Variants in ATRNL1 observed in about 807,000 individuals in gnomAD.
ATRNL1 encodes the protein attractin-like protein 1.
In ATRNL1, 95 loss-of-function variants were observed where a neutral mutation model predicts 182.7. The observed-to-expected ratio is 0.52, with a 90% CI of 0.44 to 0.62. The LOEUF (loss-of-function observed/expected upper bound fraction) is 0.62. Ranked by LOEUF, ATRNL1 falls within the 20% of genes least tolerant of loss-of-function variation. ATRNL1 has a pLI of 0.00. For synonymous variants in ATRNL1, 576 were observed against 568.3 expected, an observed-to-expected ratio of 1.01 and a Z score of -0.19; for missense variants, 1,471 against 1,679.5, an observed-to-expected ratio of 0.88 and a Z score of 2.17.
chr10:115,713,443 CTGTG>C (rs140348673), intron 26 of ATRNL1, among the ~76,000 whole-genome samples: 3,298 of 117,912 alleles, frequency 0.028, 114 homozygotes, highest in African/African-American at 0.092. Context: ...GGGAAAGTGG[CTGTG>C]TGTGTGTGTG....
intron 27 of ATRNL1, among the ~76,000 whole-genome samples, chr10:115,798,172 C>A (rs1194848305): frequency 6.6e-6 from 1 of 152,170 alleles, no homozygotes; most frequent in East Asian, 1.9e-4. Flanking sequence ...CCACCTCGGC[C>A]TCCCCAAGTG....
intron 26 of ATRNL1, among the ~76,000 whole-genome samples, chr10:115,645,863 A>G (rs1325985928): frequency 1.3e-5 from 2 of 152,076 alleles, no homozygotes; most frequent in Admixed American, 1.3e-4. Flanking sequence ...GTAGAAAGCT[A>G]AAGTGTTGTA....
At chr10:115,671,134 A>G (rs1340291394) in intron 26 of ATRNL1, among the ~76,000 whole-genome samples, 1 of 152,118 alleles carries the variant, frequency 6.6e-6, no homozygotes, top group Non-Finnish European at 1.5e-5. Flanking sequence ...CACAGGCTGC[A>G]TTTGGCAGAA....
intron 20 of ATRNL1, among the ~76,000 whole-genome samples, chr10:115,421,969 G>A (rs1554962006): frequency 6.6e-6 from 1 of 152,142 alleles, no homozygotes; most frequent in East Asian, 1.9e-4. Flanking sequence ...TCAATAAATG[G>A]TGCTGTAATA....
chr10:115,461,526 T>C (rs1319798945), intron 21 of ATRNL1, among the ~76,000 whole-genome samples: 3 of 152,062 alleles, frequency 2.0e-5, no homozygotes, highest in African/African-American at 7.2e-5. Context: ...ATTTTGAGTT[T>C]GTGAAAGTTA....
At chr10:115,539,986 G>C (rs549153754) in intron 25 of ATRNL1, among the ~76,000 whole-genome samples, 5 of 123,656 alleles carry the variant, frequency 4.0e-5, no homozygotes, top group Non-Finnish European at 6.6e-5. Context: ...GTTATGGGGT[G>C]GGGGGAGGGG....
At chr10:115,395,869 A>G (rs1245621408) in intron 20 of ATRNL1, among the ~76,000 whole-genome samples, 2 of 151,580 alleles carry the variant, frequency 1.3e-5, no homozygotes, top group Admixed American at 6.6e-5. Flanking sequence ...TATGGTTTTG[A>G]ATTATATATG....
chr10:115,891,787 A>C (rs752956828), intron 28 of ATRNL1, among the ~76,000 whole-genome samples: 21 of 152,302 alleles, frequency 1.4e-4, no homozygotes, highest in Middle Eastern at 3.4e-3. Flanking sequence ...AGGTTGATTT[A>C]ACTCAGTCAG....
chr10:115,462,339 C>T (rs535290747), intron 22 of ATRNL1, among the ~76,000 whole-genome samples: 86 of 152,166 alleles, frequency 5.7e-4, no homozygotes, highest in African/African-American at 1.8e-3. Context: ...CTCGTTCGGG[C>T]GCAGTGGCTC....
intron 26 of ATRNL1, among the ~76,000 whole-genome samples, chr10:115,604,891 T>C (rs1163573474): frequency 6.6e-6 from 1 of 151,974 alleles, no homozygotes; most frequent in African/African-American, 2.4e-5. Context: ...TGCTTGATTT[T>C]TTGTATTTGC....
intron 23 of ATRNL1, 123 bp downstream of exon 23, chr10:115,467,375 C>A: frequency 1.8e-6 from 1 of 551,336 alleles, no homozygotes; most frequent in Non-Finnish European, 3.1e-6. Flanking sequence ...GATTATTTTG[C>A]TGTTACTGGT....
intron 13 of ATRNL1, among the ~76,000 whole-genome samples, chr10:115,270,579 T>C (rs114795162): frequency 0.012 from 1,771 of 151,896 alleles, 32 homozygotes; most frequent in African/African-American, 0.039. Flanking sequence ...AATTCTACTC[T>C]ACGTATGGAG....
intron 8 of ATRNL1, among the ~76,000 whole-genome samples, chr10:115,182,972 G>C (rs12573443): frequency 6.6e-6 from 1 of 151,138 alleles, no homozygotes; most frequent in Non-Finnish European, 1.5e-5. Context: ...GATGTATAGC[G>C]AACAATACAG....
chr10:115,344,999 C>T (rs1180668274), intron 19 of ATRNL1, among the ~76,000 whole-genome samples: 2 of 152,186 alleles, frequency 1.3e-5, no homozygotes, highest in African/African-American at 4.8e-5. Context: ...CTCCACTTTT[C>T]CCACACCTCT....
At chr10:115,188,499 C>G (rs1241788536) in intron 8 of ATRNL1, among the ~76,000 whole-genome samples, 1 of 151,984 alleles carries the variant, frequency 6.6e-6, no homozygotes, top group Non-Finnish European at 1.5e-5. Context: ...TTAGCAATAC[C>G]TCATAAACTT....
chr10:115,404,884 C>T (rs1844745150), intron 20 of ATRNL1, among the ~76,000 whole-genome samples: 1 of 149,160 alleles, frequency 6.7e-6, no homozygotes, highest in South Asian at 2.1e-4. Context: ...TAGTATAGTC[C>T]ATGATTTCCA....
intron 26 of ATRNL1, among the ~76,000 whole-genome samples, chr10:115,702,982 A>G (rs1186072915): frequency 1.3e-5 from 2 of 151,894 alleles, no homozygotes; most frequent in African/African-American, 4.8e-5. Context: ...AATACTAAGC[A>G]AAAAGAACAA....
chr10:115,583,556 G>A (rs1555008547), intron 26 of ATRNL1, among the ~76,000 whole-genome samples: 2 of 115,174 alleles, frequency 1.7e-5, no homozygotes, highest in African/African-American at 5.4e-5. Flanking sequence ...CTGTTTGTCT[G>A]TTGTTGATGT....
intron 28 of ATRNL1, among the ~76,000 whole-genome samples, chr10:115,918,610 G>A (rs1455674538): frequency 6.6e-6 from 1 of 152,144 alleles, no homozygotes; most frequent in Non-Finnish European, 1.5e-5. Flanking sequence ...GTGGGGTTAG[G>A]GATTTGGGAA....
Sources: gnomAD v4.1 joint callset for allele counts (sites outside exome capture counted in the v4.1 genomes callset) on GRCh38, gnomAD v4.1.1 for gene constraint, MANE v1.5 for transcripts, NCBI Gene and HGNC (gene_info 2026-07-23, HGNC 2026-07-21) for gene names.